Variants in SLC24A3 observed in about 807,000 individuals in gnomAD.
SLC24A3 encodes the protein sodium/potassium/calcium exchanger 3.
In SLC24A3, 28 loss-of-function variants were observed where a neutral mutation model predicts 75.8. The ratio of observed to expected loss-of-function variants is 0.37; its 90% CI spans 0.27 to 0.51. The LOEUF (loss-of-function observed/expected upper bound fraction) is 0.51, where lower values mean the gene tolerates loss of function less well. Among genes scored for constraint, SLC24A3 ranks in the 20% least tolerant of loss-of-function variants. SLC24A3 has a pLI of 0.94. For missense variants in SLC24A3, 663 were observed against 847.8 expected (o/e 0.78, Z 2.71); for synonymous variants, 372 against 334.1 (o/e 1.11, Z -1.24).
At chr20:19,574,408 G>A (rs1365470497) in intron 3 of SLC24A3, among the ~76,000 whole-genome samples, 3 of 152,180 alleles carry the variant, frequency 2.0e-5, no homozygotes, top group Non-Finnish European at 4.4e-5. Context: ...ATAACAAATG[G>A]CCTCACAACT....
chr20:19,343,069 C>CAAAAAAAAAAAAAA (rs5840837), intron 2 of SLC24A3, among the ~76,000 whole-genome samples: 3 of 73,748 alleles, frequency 4.1e-5, no homozygotes, highest in East Asian at 3.7e-4. Context: ...GACTCCATCT[C>CAAAAAAAAAAAAAA]AAAAAAAAAA....
intron 3 of SLC24A3, among the ~76,000 whole-genome samples, chr20:19,553,023 C>CA (rs1190549973): frequency 2.0e-5 from 3 of 151,236 alleles, no homozygotes; most frequent in Non-Finnish European, 4.4e-5. Flanking sequence ...TCCCTCCCTC[C>CA]TCCCTTCCTC....
At chr20:19,614,358 T>G (rs1489929811) in intron 6 of SLC24A3, among the ~76,000 whole-genome samples, 1 of 152,202 alleles carries the variant, frequency 6.6e-6, no homozygotes, top group Admixed American at 6.5e-5. Flanking sequence ...AAGTACTCAG[T>G]AAAAATGACC....
chr20:19,624,763 T>A (rs943031540), intron 6 of SLC24A3, among the ~76,000 whole-genome samples: 2 of 152,214 alleles, frequency 1.3e-5, no homozygotes, highest in Non-Finnish European at 2.9e-5. Context: ...TATTTAGATC[T>A]TGGGAAGAGG....
chr20:19,678,991 C>T (rs1390486211), intron 9 of SLC24A3, among the ~76,000 whole-genome samples: 1 of 151,284 alleles, frequency 6.6e-6, no homozygotes, highest in East Asian at 2.0e-4. Flanking sequence ...GGATGGCGGC[C>T]GGGCAGAGAC....
At chr20:19,313,425 A>G (rs930358671) in intron 2 of SLC24A3, among the ~76,000 whole-genome samples, 4 of 152,136 alleles carry the variant, frequency 2.6e-5, no homozygotes, top group Non-Finnish European at 5.9e-5. Flanking sequence ...CAGAGATGGA[A>G]TTAAATCAGA....
chr20:19,423,195 G>A (rs778545151), intron 2 of SLC24A3, among the ~76,000 whole-genome samples: 8 of 152,174 alleles, frequency 5.3e-5, no homozygotes, highest in Non-Finnish European at 1.2e-4. Flanking sequence ...GCAGAACAGG[G>A]AATGTTCGAT....
intron 6 of SLC24A3, among the ~76,000 whole-genome samples, chr20:19,641,394 T>G (rs894475383): frequency 6.6e-6 from 1 of 152,224 alleles, no homozygotes; most frequent in African/African-American, 2.4e-5. Context: ...GATGGGACTC[T>G]CAAAGTAAAT....
chr20:19,719,297 G>A (rs1008470536), intron 16 of SLC24A3, among the ~76,000 whole-genome samples: 4 of 152,096 alleles, frequency 2.6e-5, no homozygotes, highest in Admixed American at 6.5e-5. Flanking sequence ...GGAGAAAAAC[G>A]GAAATTCAGG....
intron 6 of SLC24A3, among the ~76,000 whole-genome samples, chr20:19,593,467 C>T (rs1304766659): frequency 1.3e-5 from 2 of 152,238 alleles, no homozygotes; most frequent in African/African-American, 4.8e-5. Context: ...AGCACACCTA[C>T]AGTACTTACC....
intron 2 of SLC24A3, among the ~76,000 whole-genome samples, chr20:19,340,605 G>A (rs922062924): frequency 1.6e-4 from 24 of 152,298 alleles, no homozygotes; most frequent in Middle Eastern, 3.4e-3. Context: ...GGGCAGGGAG[G>A]AAGAGTGGGG....
chr20:19,636,867 G>A (rs1229500359), intron 6 of SLC24A3, among the ~76,000 whole-genome samples: 1 of 152,154 alleles, frequency 6.6e-6, no homozygotes, highest in Non-Finnish European at 1.5e-5. Flanking sequence ...GATAATTCCA[G>A]TAATAGAAAT....
intron 2 of SLC24A3, among the ~76,000 whole-genome samples, chr20:19,339,328 G>T (rs1011502008): frequency 1.3e-5 from 2 of 152,022 alleles, no homozygotes; most frequent in African/African-American, 4.8e-5. Context: ...GTGGGTGTTT[G>T]TACCGCAGAA....
At chr20:19,339,929 A>T (rs1985229865) in intron 2 of SLC24A3, among the ~76,000 whole-genome samples, 1 of 152,198 alleles carries the variant, frequency 6.6e-6, no homozygotes, top group African/African-American at 2.4e-5. Flanking sequence ...AGTTTATGAA[A>T]CGAGATGTTT....
chr20:19,223,535 A>ACACT (rs1264932738), intron 1 of SLC24A3, among the ~76,000 whole-genome samples: 4 of 152,204 alleles, frequency 2.6e-5, no homozygotes, highest in African/African-American at 9.6e-5. Flanking sequence ...AATGCTACAT[A>ACACT]CACTGTGTTT....
intron 6 of SLC24A3, among the ~76,000 whole-genome samples, chr20:19,613,798 C>G (rs926222148): frequency 6.6e-6 from 1 of 152,170 alleles, no homozygotes; most frequent in Non-Finnish European, 1.5e-5. Flanking sequence ...ACCTTTTCAC[C>G]CAGATGAAGG....
intron 3 of SLC24A3, among the ~76,000 whole-genome samples, chr20:19,531,539 A>G (rs1280014087): frequency 1.3e-5 from 2 of 152,216 alleles, no homozygotes; most frequent in African/African-American, 2.4e-5. Context: ...AAGAATGTAC[A>G]ATCCTCCCTA....
At chr20:19,623,345 G>A (rs1353044963) in intron 6 of SLC24A3, among the ~76,000 whole-genome samples, 4 of 152,186 alleles carry the variant, frequency 2.6e-5, no homozygotes, top group Non-Finnish European at 5.9e-5. Flanking sequence ...TGAGAATTTT[G>A]TGTGCTCACC....
At position 19,585,514 on chromosome 20, in the gene SLC24A3, C is replaced by G; in HGVS notation, c.582C>G (p.Ile194Met). Residue 194 changes from isoleucine to methionine, a missense_variant, in exon 6 of 17, where the codon ATC becomes ATG. Ile to Met is a conservative substitution (Grantham distance 10). This residue lies in a region of SLC24A3 where 510 missense variants were observed against 703.6 expected (regional missense o/e 0.72). Transcript: ENST00000328041. ...CAGCGGTATTCAACATCCTGTGCAT[C>G]ATTGGTGTCTGTGGGCTCTTTGCTG... ...VGSAVFNILC[I>M]IGVCGLFAGQ... The G allele has an allele frequency of 6.2e-7, 1 of 1,614,142 alleles. No homozygotes were observed. The highest frequency in any genetic ancestry group is 8.5e-7 in the Non-Finnish European group (1 of 1,180,026).
Sources: allele counts gnomAD v4.1 joint callset (sites outside exome capture counted in the v4.1 genomes callset), GRCh38; gene constraint gnomAD v4.1.1; regional missense constraint gnomAD v4.1.1; transcripts MANE v1.5; gene names NCBI Gene and HGNC (gene_info 2026-07-23, HGNC 2026-07-21).